Variants in STK32C observed in about 807,000 individuals in gnomAD.
STK32C encodes the protein serine/threonine-protein kinase 32C.
A neutral mutation model predicts 56.5 loss-of-function variants in STK32C; 31 were observed. The observed-to-expected ratio is 0.55, with a 90% CI of 0.41 to 0.74. STK32C has a LOEUF of 0.74. STK32C is among the 30% of genes least tolerant of loss of function. The pLI is 0.00. For synonymous variants in STK32C, 309 were observed against 289.4 expected (o/e 1.07, Z -0.69); for missense variants, 544 against 676.9 (o/e 0.80, Z 2.18).
chr10:132,314,743 C>T (rs957905788), intron 1 of STK32C, among the ~76,000 whole-genome samples: 5 of 152,028 alleles, frequency 3.3e-5, no homozygotes, highest in African/African-American at 9.7e-5. Flanking sequence ...TATCAGATAA[C>T]GTAGACTTCA....
chr10:132,250,930 C>T (rs960682143), intron 1 of STK32C, among the ~76,000 whole-genome samples: 2 of 152,232 alleles, frequency 1.3e-5, no homozygotes, highest in South Asian at 2.1e-4. Flanking sequence ...TCCACGCCCA[C>T]CTCCTTGGGG....
intron 2 of STK32C, among the ~76,000 whole-genome samples, chr10:132,232,075 G>A (rs546203482): frequency 2.2e-4 from 33 of 152,314 alleles, no homozygotes; most frequent in African/African-American, 6.7e-4. Context: ...GAGCACCTGC[G>A]GCCACGCCTG....
chr10:132,244,833 C>A (rs1179238851), intron 2 of STK32C, among the ~76,000 whole-genome samples: 1 of 152,212 alleles, frequency 6.6e-6, no homozygotes, highest in Non-Finnish European at 1.5e-5. Context: ...TCAGTCCCAA[C>A]AGCCCTGAGC....
intron 1 of STK32C, among the ~76,000 whole-genome samples, chr10:132,305,306 CA>C (rs2066026049): frequency 6.6e-6 from 1 of 152,214 alleles, no homozygotes; most frequent in Admixed American, 6.5e-5. Flanking sequence ...TTAAAAGGAA[CA>C]GAGGACATTT....
Position 132,236,055 on chromosome 10 carries a change from T to C in STK32C, c.319-7927A>G, listed in dbSNP as rs546380155. ...TGATGAGGCCGGACCCGGGTGCTTG[T>C]GGGGGGTCACAGTGTTCCTCCTCTA... On this transcript the variant is annotated intron_variant, in intron 2 of 11. Transcript: ENST00000298630. Among the ~76,000 whole-genome samples the C allele has an allele frequency of 1.3e-4, 20 of 152,208 alleles. No homozygotes were observed. The South Asian group carries it at 4.2e-3, about 32-fold the overall frequency.
chr10:132,247,445 G>A (rs569984340), intron 1 of STK32C, among the ~76,000 whole-genome samples: 12 of 152,304 alleles, frequency 7.9e-5, no homozygotes, highest in Non-Finnish European at 1.2e-4. Flanking sequence ...TACGGGTGCC[G>A]TGACAAGGAC....
rs550637908 is a variant in STK32C at position 132,299,166 on chromosome 10, C to T, written c.262+8406G>A. On this transcript the variant is annotated intron_variant, in intron 1 of 11. Coordinates refer to ENST00000298630, the MANE Select transcript of STK32C (RefSeq NM_173575.4). ...GGATAGCTGATCCACCAGCCAACAG[C>T]GAACTGAGACCCCAAGACAAGACCC... Among the ~76,000 whole-genome samples, 309 of 148,002 alleles carry T rather than the reference C, an allele frequency of 2.1e-3. 3 individuals are homozygous for T. Among genetic ancestry groups the T allele is most frequent in the African/African-American group, 6.7e-3 (266 of 39,762 alleles).
chr10:132,246,551 G>A (rs932114421), intron 1 of STK32C, among the ~76,000 whole-genome samples: 2 of 152,192 alleles, frequency 1.3e-5, no homozygotes, highest in African/African-American at 4.8e-5. Flanking sequence ...GGGAGAGCCT[G>A]CGCCCAGCAT....
At chr10:132,269,062 T>C (rs941469506) in intron 1 of STK32C, among the ~76,000 whole-genome samples, 1 of 152,034 alleles carries the variant, frequency 6.6e-6, no homozygotes, top group African/African-American at 2.4e-5. Context: ...GGTGTGTGCA[T>C]GCATGTGTAT....
intron 2 of STK32C, among the ~76,000 whole-genome samples, chr10:132,231,491 G>A (rs1034727543): frequency 1.3e-5 from 2 of 152,238 alleles, no homozygotes; most frequent in Non-Finnish European, 2.9e-5. Context: ...CCCATGCAAG[G>A]TACTGGCAGT....
At chr10:132,302,611 T>TC (rs2065942454) in intron 1 of STK32C, among the ~76,000 whole-genome samples, 1 of 152,166 alleles carries the variant, frequency 6.6e-6, no homozygotes, top group Non-Finnish European at 1.5e-5. Context: ...GCCTGCACTG[T>TC]GGGGGATGGG....
chr10:132,328,524 C>A (rs912759510), intron 1 of STK32C, among the ~76,000 whole-genome samples: 2 of 152,106 alleles, frequency 1.3e-5, no homozygotes, highest in African/African-American at 4.8e-5. Flanking sequence ...ATTTGTTAGT[C>A]CTGCAAAGGC....
At chr10:132,261,733 C>T (rs1394270188) in intron 1 of STK32C, among the ~76,000 whole-genome samples, 3 of 152,104 alleles carry the variant, frequency 2.0e-5, no homozygotes, top group South Asian at 4.2e-4. Flanking sequence ...CCACTGCACT[C>T]CAGCCTGGGC....
chr10:132,248,548 G>A (rs998553337), intron 1 of STK32C, among the ~76,000 whole-genome samples: 10 of 152,360 alleles, frequency 6.6e-5, no homozygotes, highest in South Asian at 6.2e-4. Flanking sequence ...TCCTTGCAGC[G>A]GCCGGTAGAG....
chr10:132,303,984 C>G (rs1465186048), intron 1 of STK32C, among the ~76,000 whole-genome samples: 2 of 152,336 alleles, frequency 1.3e-5, no homozygotes, highest in Admixed American at 1.3e-4. Context: ...TACCCCACGA[C>G]AGCATGGCCC....
chr10:132,311,408 C>T (rs1195013599), upstream of STK32C, among the ~76,000 whole-genome samples: 1 of 152,238 alleles, frequency 6.6e-6, no homozygotes, highest in East Asian at 1.9e-4. The surrounding 1 kb of genome is among the most constrained non-coding windows in gnomAD (Gnocchi z 4.4). Flanking sequence ...AAATGGAAGA[C>T]AGATGGCCGT....
intron 1 of STK32C, among the ~76,000 whole-genome samples, chr10:132,254,859 T>C (rs950833107): frequency 2.0e-5 from 3 of 152,126 alleles, no homozygotes; most frequent in Non-Finnish European, 4.4e-5. Context: ...AGGTCCCCTC[T>C]TGATGTCTTT....
chr10:132,304,413 C>G (rs942581086), intron 1 of STK32C, among the ~76,000 whole-genome samples: 1 of 152,200 alleles, frequency 6.6e-6, no homozygotes. Context: ...GTGAATGACT[C>G]GGGTCCACAG....
At chr10:132,282,544 C>T (rs1315044432) in intron 1 of STK32C, among the ~76,000 whole-genome samples, 2 of 152,112 alleles carry the variant, frequency 1.3e-5, no homozygotes, top group Non-Finnish European at 2.9e-5. Context: ...TGTACCTGCG[C>T]CTGTCCTTCT....
Sources: gnomAD v4.1 joint callset for allele counts (sites outside exome capture counted in the v4.1 genomes callset) on GRCh38, gnomAD v4.1.1 for gene constraint, Gnocchi (gnomAD v3.1) non-coding constraint, MANE v1.5 for transcripts, NCBI Gene and HGNC (gene_info 2026-07-23, HGNC 2026-07-21) for gene names.